ERBB4: variants seen among roughly 807,000 people sequenced by gnomAD.
The protein encoded by ERBB4 is erb-b2 receptor tyrosine kinase 4.
A neutral mutation model predicts 158.0 loss-of-function variants in ERBB4; 42 were observed. That is an observed-to-expected ratio of 0.27 (90% CI 0.21 to 0.34). The LOEUF (loss-of-function observed/expected upper bound fraction) is 0.34, where lower values mean the gene tolerates loss of function less well. Ranked by LOEUF, ERBB4 falls within the 10% of genes least tolerant of loss-of-function variation. ERBB4 has a pLI of 1.00. For synonymous variants in ERBB4, 583 were observed against 558.7 expected (o/e 1.04, Z -0.61); for missense variants, 1,333 against 1,624.1 (o/e 0.82, Z 3.08).
intron 2 of ERBB4, among the ~76,000 whole-genome samples, chr2:212,021,930 A>T (rs1673807212): frequency 6.6e-6 from 1 of 152,202 alleles, no homozygotes; most frequent in African/African-American, 2.4e-5. Context: ...AAAGCTCAAC[A>T]TCATTGATTA....
chr2:211,693,940 T>G (rs1442344247), intron 12 of ERBB4, among the ~76,000 whole-genome samples: 1 of 152,174 alleles, frequency 6.6e-6, no homozygotes. Flanking sequence ...TAGTCGCTTC[T>G]GCTGTCACAC....
intron 2 of ERBB4, among the ~76,000 whole-genome samples, chr2:212,079,957 C>A (rs1045928390): frequency 2.0e-5 from 3 of 151,898 alleles, no homozygotes; most frequent in Non-Finnish European, 2.9e-5. Flanking sequence ...CTAAATCTTA[C>A]AGATTTAGAA....
intron 20 of ERBB4, among the ~76,000 whole-genome samples, chr2:211,453,762 C>T (rs1390175229): frequency 6.6e-6 from 1 of 152,116 alleles, no homozygotes; most frequent in East Asian, 1.9e-4. Flanking sequence ...CATTAAAAAA[C>T]GTGTCTATGG....
intron 1 of ERBB4, among the ~76,000 whole-genome samples, chr2:212,172,154 A>G (rs2081537045): frequency 6.6e-6 from 1 of 152,174 alleles, no homozygotes; most frequent in African/African-American, 2.4e-5. Context: ...GCCAACAAAC[A>G]TGAAAAAAAG....
chr2:211,732,294 T>C (rs1229592598), intron 5 of ERBB4, among the ~76,000 whole-genome samples: 5 of 152,100 alleles, frequency 3.3e-5, no homozygotes, highest in Non-Finnish European at 7.4e-5. Flanking sequence ...TAAGGATTTT[T>C]CAATTCTTTT....
chr2:211,476,281 A>G (rs1303387314), intron 20 of ERBB4, among the ~76,000 whole-genome samples: 1 of 152,146 alleles, frequency 6.6e-6, no homozygotes, highest in Non-Finnish European at 1.5e-5. Context: ...AGTGATGAAT[A>G]CAAAAGCTAG....
At chr2:211,931,952 T>G (rs2080189521) in intron 3 of ERBB4, among the ~76,000 whole-genome samples, 1 of 152,110 alleles carries the variant, frequency 6.6e-6, no homozygotes, top group African/African-American at 2.4e-5. Context: ...TGTTTGCATT[T>G]CATTCCCATT....
At chr2:211,957,197 T>C (rs913187685) in intron 2 of ERBB4, among the ~76,000 whole-genome samples, 1 of 151,982 alleles carries the variant, frequency 6.6e-6, no homozygotes, top group Non-Finnish European at 1.5e-5. Flanking sequence ...TATTTGGAGA[T>C]AGGGTTTTTA....
chr2:211,432,842 A>G (rs2063772938), intron 20 of ERBB4, among the ~76,000 whole-genome samples: 2 of 152,242 alleles, frequency 1.3e-5, no homozygotes, highest in African/African-American at 4.8e-5. Context: ...TGTATATTAA[A>G]GGAGAACAGA....
intron 20 of ERBB4, among the ~76,000 whole-genome samples, chr2:211,440,679 ACTT>A (rs2063953787): frequency 6.6e-6 from 1 of 152,100 alleles, no homozygotes. Flanking sequence ...ACAAAGCAAA[ACTT>A]CTGCCATCAT....
intron 1 of ERBB4, among the ~76,000 whole-genome samples, chr2:212,425,014 A>G (rs906118044): frequency 6.6e-6 from 1 of 151,944 alleles, no homozygotes; most frequent in Non-Finnish European, 1.5e-5. Context: ...AAAGTACTGC[A>G]CAGAAATATG....
intron 20 of ERBB4, among the ~76,000 whole-genome samples, chr2:211,515,914 T>A (rs12618254): frequency 0.33 from 16,038 of 47,970 alleles, 1,311 homozygotes; most frequent in East Asian, 0.36. Context: ...ATATATATAT[T>A]TTTTTTTTTT....
chr2:211,416,154 A>G (rs2125393163), intron 25 of ERBB4, among the ~76,000 whole-genome samples: 1 of 152,328 alleles, frequency 6.6e-6, no homozygotes, highest in African/African-American at 2.4e-5. Flanking sequence ...AATACATGGA[A>G]GCTTTTACAT....
chr2:212,475,613 C>T (rs1015716281), intron 1 of ERBB4, among the ~76,000 whole-genome samples: 1 of 152,070 alleles, frequency 6.6e-6, no homozygotes, highest in South Asian at 2.1e-4. Flanking sequence ...TCATGAATCT[C>T]TTTCATTCTA....
chr2:212,028,042 A>AG (rs1314364149), intron 2 of ERBB4, among the ~76,000 whole-genome samples: 1 of 152,098 alleles, frequency 6.6e-6, no homozygotes, highest in Non-Finnish European at 1.5e-5. Flanking sequence ...AAATGAAGGA[A>AG]GTTGCCAGTT....
chr2:211,967,834 C>T (rs1457449112), intron 2 of ERBB4, among the ~76,000 whole-genome samples: 2 of 151,836 alleles, frequency 1.3e-5, no homozygotes, highest in Non-Finnish European at 2.9e-5. Flanking sequence ...GTAATCATTA[C>T]ACATAGTATA....
chr2:211,529,459 C>A (rs1486044986), intron 20 of ERBB4, among the ~76,000 whole-genome samples: 2 of 152,016 alleles, frequency 1.3e-5, no homozygotes, highest in African/African-American at 4.8e-5. Flanking sequence ...CAAACTATTC[C>A]AAAAACTGCA....
At chr2:211,575,298 C>CT (rs2067856345) in intron 19 of ERBB4, among the ~76,000 whole-genome samples, 2 of 152,040 alleles carry the variant, frequency 1.3e-5, no homozygotes. Flanking sequence ...ATTAACTAAC[C>CT]TTTTTTGGTA....
intron 1 of ERBB4, among the ~76,000 whole-genome samples, chr2:212,259,573 G>A (rs4672641): frequency 0.43 from 65,768 of 151,934 alleles, 15,265 homozygotes; most frequent in East Asian, 0.76. Context: ...CATTTAAAAT[G>A]TTTCCTTTGA....
Sources: gnomAD v4.1 joint callset for allele counts (sites outside exome capture counted in the v4.1 genomes callset) on GRCh38, gnomAD v4.1.1 for gene constraint, MANE v1.5 for transcripts, NCBI Gene and HGNC (gene_info 2026-07-23, HGNC 2026-07-21) for gene names.